Variants in CLEC6A observed in about 807,000 individuals in gnomAD.
CLEC6A encodes the protein C-type lectin domain containing 6A.
CLEC6A carries 22 observed loss-of-function variants against 25.7 expected under a neutral mutation model. The observed-to-expected ratio is 0.85, with a 90% CI of 0.61 to 1.22. CLEC6A has a LOEUF of 1.22. Ranked by LOEUF, CLEC6A falls within the 50% of genes most tolerant of loss-of-function variation. The pLI is 0.00. For synonymous variants in CLEC6A, 92 were observed against 76.7 expected, an observed-to-expected ratio of 1.20 and a Z score of -1.04; for missense variants, 240 against 236.8, an observed-to-expected ratio of 1.01 and a Z score of -0.09.
chr12:8,474,468 T>C (rs901144267), intron 4 of CLEC6A, among the ~76,000 whole-genome samples: 1 of 152,236 alleles, frequency 6.6e-6, no homozygotes, highest in African/African-American at 2.4e-5. Context: ...TTTTGGTTAC[T>C]GTAGCCTTAT....
intron 3 of CLEC6A, among the ~76,000 whole-genome samples, 164 bp from the exon 4 acceptor site, chr12:8,465,320 T>C (rs1278321349): frequency 6.6e-6 from 1 of 152,062 alleles, no homozygotes; most frequent in African/African-American, 2.4e-5. Context: ...GACTTAATGC[T>C]AAAGAATGTT....
In CLEC6A at chr12:8,456,100, G is replaced by A. The variant is rs368638846; in HGVS notation, c.-12G>A. Reference sequence around the variant, plus strand: ...AGGTTCCTGGACCTTCTCAACACAGGGAGCCTGCATAATGATGCAAGAGCA... The same window carrying A: ...AGGTTCCTGGACCTTCTCAACACAGAGAGCCTGCATAATGATGCAAGAGCA... On this transcript the variant is annotated 5_prime_UTR_variant, in exon 1 of 6. Coordinates refer to ENST00000382073, the MANE Select transcript of CLEC6A (RefSeq NM_001007033.2). 1 of 1,613,660 alleles carries A rather than the reference G, an allele frequency of 6.2e-7. No homozygotes were observed. Among genetic ancestry groups the A allele is most frequent in the South Asian group, 1.1e-5 (1 of 91,052 alleles).
chr12:8,476,469 T>C (rs1939975693), intron 5 of CLEC6A, among the ~76,000 whole-genome samples: 1 of 152,072 alleles, frequency 6.6e-6, no homozygotes. Flanking sequence ...ACTAATAAGA[T>C]GAGAAACTGG....
At chr12:8,469,062 T>C (rs1939872313) in intron 4 of CLEC6A, among the ~76,000 whole-genome samples, 1 of 152,206 alleles carries the variant, frequency 6.6e-6, no homozygotes, top group Non-Finnish European at 1.5e-5. Context: ...AAAAAGTTCC[T>C]AAAACTGATA....
intron 3 of CLEC6A, among the ~76,000 whole-genome samples, chr12:8,461,822 G>T (rs1297912858): frequency 6.6e-6 from 1 of 152,182 alleles, no homozygotes; most frequent in Non-Finnish European, 1.5e-5. Context: ...CGAAGAGCTA[G>T]AGTTCCTTCA....
chr12:8,471,696 T>G (rs2136364793), intron 4 of CLEC6A, among the ~76,000 whole-genome samples: 1 of 152,126 alleles, frequency 6.6e-6, no homozygotes, highest in East Asian at 1.9e-4. Context: ...AGATAAGCAT[T>G]TGTCAATGTC....
At chr12:8,467,298 T>C (rs1939846098) in intron 4 of CLEC6A, among the ~76,000 whole-genome samples, 1 of 152,252 alleles carries the variant, frequency 6.6e-6, no homozygotes, top group Non-Finnish European at 1.5e-5. Flanking sequence ...TTGCTTATGT[T>C]TTCTTCCTGG....
chr12:8,472,906 A>G (rs981269343), intron 4 of CLEC6A, among the ~76,000 whole-genome samples: 1 of 150,812 alleles, frequency 6.6e-6, no homozygotes, highest in Non-Finnish European at 1.5e-5. Flanking sequence ...ACCCCATTCC[A>G]TTCCCTCTCC....
rs1565485352 is a variant in CLEC6A, at chr12:8,477,487, G to C, written c.*23G>C. The C allele has an allele frequency of 6.4e-7, 1 of 1,566,940 alleles. No homozygotes were observed. On this transcript the variant is annotated 3_prime_UTR_variant, in exon 6 of 6. Transcript: ENST00000382073. ...TGAGTAGAAGCTTAATTGGAAAGAA[G>C]AGAAGAATTACTGACGTAATTTTTT...
chr12:8,475,319 A>ACT (rs1255863444), intron 4 of CLEC6A, among the ~76,000 whole-genome samples: 67 of 116,514 alleles, frequency 5.8e-4, no homozygotes, highest in African/African-American at 1.1e-3. Flanking sequence ...CTCCAGAAAA[A>ACT]CTCTCTCTAT....
At chr12:8,461,319 GAAGTA>G (rs1284064462) in intron 3 of CLEC6A, 1 of 525,814 alleles carries the variant, frequency 1.9e-6, no homozygotes, top group African/African-American at 1.9e-5. Flanking sequence ...AAGGGAAAGA[GAAGTA>G]AAGTGCATAG....
intron 4 of CLEC6A, among the ~76,000 whole-genome samples, chr12:8,470,257 T>C (rs771733039): frequency 8.5e-5 from 13 of 152,116 alleles, no homozygotes; most frequent in Non-Finnish European, 1.9e-4. Context: ...CCTGCAAGAA[T>C]GGCCATAATC....
At chr12:8,461,332 T>A in intron 3 of CLEC6A, 2 of 493,308 alleles carry the variant, frequency 4.1e-6, no homozygotes, top group East Asian at 3.7e-5. Context: ...GTAAAGTGCA[T>A]AGTTTTCTTC....
intron 5 of CLEC6A, 48 bp downstream of exon 5, chr12:8,476,288 T>G (rs1290262682): frequency 1.9e-6 from 2 of 1,078,584 alleles, no homozygotes; most frequent in African/African-American, 3.2e-5. Flanking sequence ...CTAGGGAAAT[T>G]TTGTTAGGAG....
intron 5 of CLEC6A, 142 bp from the exon 6 acceptor site, chr12:8,477,178 G>A (rs149488855): frequency 3.2e-6 from 2 of 632,714 alleles, no homozygotes; most frequent in Non-Finnish European, 5.2e-6. Context: ...AGGATTTGAG[G>A]AGAGTAGTAT....
chr12:8,467,832 C>G (rs1337144833), intron 4 of CLEC6A, among the ~76,000 whole-genome samples: 2 of 152,156 alleles, frequency 1.3e-5, no homozygotes. Flanking sequence ...TTTGTGTCCT[C>G]TTTGGTTTCC....
At position 8,477,593 on chromosome 12, in the gene CLEC6A, G is replaced by T; in HGVS notation, c.*129G>T. The T allele has an allele frequency of 3.1e-6, 2 of 635,418 alleles. No individual in the cohort carries two copies. Among genetic ancestry groups the T allele is most frequent in the East Asian group, 3.2e-5 (1 of 31,204 alleles). 39.4% of individuals were successfully genotyped at this position (635,418 alleles called of 1,614,324 possible). ...TACACATAATCCTTATGTTATAGAG[G>T]TTCACAGAAATGGAAAGATACCTGT... On this transcript the variant is annotated 3_prime_UTR_variant, in exon 6 of 6. Coordinates refer to ENST00000382073, the MANE Select transcript of CLEC6A (RefSeq NM_001007033.2).
At position 8,459,606 on chromosome 12, in the gene CLEC6A, A is replaced by G. The variant is rs777418173; in HGVS notation, c.131A>G (p.His44Arg). The G allele has an allele frequency of 1.2e-6, 2 of 1,602,936 alleles. No homozygotes were observed. Among genetic ancestry groups the G allele is most frequent in the African/African-American group, 1.3e-5 (1 of 74,828 alleles). The part of the protein sequence containing the change: ...CFIVSCVVTY[H>R]FTYGETGKRL... ...TCTTCTTCCTTTACAGTAACTTACC[A>G]TTTTACATATGGTGAAACTGGCAAA... Residue 44 changes from histidine to arginine, a missense_variant, in exon 3 of 6, where the codon CAT becomes CGT. Coordinates refer to ENST00000382073, the MANE Select transcript of CLEC6A (RefSeq NM_001007033.2).
intron 5 of CLEC6A, among the ~76,000 whole-genome samples, chr12:8,476,975 A>G (rs1939982916): frequency 6.6e-6 from 1 of 152,242 alleles, no homozygotes; most frequent in South Asian, 2.1e-4. Context: ...AGGTGATAAG[A>G]ATACATAGAT....
Sources: allele counts gnomAD v4.1 joint callset (sites outside exome capture counted in the v4.1 genomes callset), GRCh38; gene constraint gnomAD v4.1.1; transcripts MANE v1.5; gene names NCBI Gene and HGNC (gene_info 2026-07-23, HGNC 2026-07-21).